Variants in PEX10 observed in about 807,000 individuals in gnomAD.
PEX10 encodes the protein peroxisome biogenesis factor 10.
Under a neutral mutation model 38.0 loss-of-function variants are expected in PEX10, and 32 were observed. The observed-to-expected ratio is 0.84, with a 90% CI of 0.63 to 1.13. The LOEUF is 1.13. Among genes scored for constraint, PEX10 ranks in the 50% most tolerant of loss-of-function variants. The pLI is 0.00. For synonymous variants in PEX10, 206 were observed against 207.3 expected, an observed-to-expected ratio of 0.99 and a Z score of 0.05; for missense variants, 483 against 457.7, an observed-to-expected ratio of 1.06 and a Z score of -0.51.
rs923201119 is a variant in PEX10 at position 2,412,293 on chromosome 1, C to T, written c.112+98G>A. ...CGGGTCCCAGGTTGTGGGACGGGCCCAGGCGACCGTGACCACACACGGCAG... is the reference window on the plus strand; with the variant it reads ...CGGGTCCCAGGTTGTGGGACGGGCCTAGGCGACCGTGACCACACACGGCAG... On this transcript the variant is annotated intron_variant, in intron 1 of 5. Coordinates refer to ENST00000447513, the MANE Select transcript of PEX10 (RefSeq NM_002617.4). 5 of 1,256,170 alleles carry T rather than the reference C, an allele frequency of 4.0e-6. 1 individual carries two copies. The South Asian group carries it at 8.0e-5, about 20-fold the overall frequency. The allele number at this position is 1,256,170 out of a possible 1,614,324, so 77.8% of individuals were successfully genotyped here.
Position 2,405,302 on chromosome 1 carries a change from T to G in PEX10, c.*464A>C. Reference sequence around the variant, plus strand: ...GGGGCCGTGGGGCTGCTGTTCTCACTGCACTGGCTGAAGCAACCCGCCAGC... The same window carrying G: ...GGGGCCGTGGGGCTGCTGTTCTCACGGCACTGGCTGAAGCAACCCGCCAGC... On this transcript the variant is annotated 3_prime_UTR_variant, in exon 6 of 6. Coordinates refer to ENST00000447513, the MANE Select transcript of PEX10 (RefSeq NM_002617.4). The G allele has an allele frequency of 3.1e-6, 1 of 318,914 alleles. No individual in the cohort carries two copies. Among genetic ancestry groups the G allele is most frequent in the East Asian group, 8.8e-5 (1 of 11,340 alleles). The allele number at this position is 318,914 out of a possible 1,614,324, so 19.8% of individuals were successfully genotyped here. A position where few individuals can be genotyped will look rare whatever the true frequency, so the allele number is the denominator to read the frequency against.
Position 2,408,502 on chromosome 1 carries a change from T to A in PEX10, c.550A>T (p.Ile184Phe). 6.2e-7 allele frequency: 1 copy of A among 1,612,984 alleles called. No individual in the cohort carries two copies. Among genetic ancestry groups the A allele is most frequent in the Middle Eastern group, 1.7e-4 (1 of 6,060 alleles). The stretch of plus-strand genomic sequence containing the variant: ...GCCAGGTGGTAGAAGACACCGTGGA[T>A]GTAAAACCAGGCAACATGTAGCCGC... ...LQRLHVAWFY[I>F]HGVFYHLAKR... The change falls in exon 3 of 6, where the codon ATC becomes TTC. Residue 184 changes from isoleucine to phenylalanine, a missense_variant. By Grantham distance (21) the Ile-to-Phe change is conservative. Coordinates refer to ENST00000447513, the MANE Select transcript of PEX10 (RefSeq NM_002617.4).
Position 2,409,435 on chromosome 1 carries a change from T to C in PEX10, c.194-577A>G, listed in dbSNP as rs1643114606. ...TGGATGGCAACGCCAGGCCTCCGGT[T>C]CCTGAGGTCAAGCCCAAGGGGCACC... On this transcript the variant is annotated intron_variant, in intron 2 of 5. Coordinates refer to ENST00000447513, the MANE Select transcript of PEX10 (RefSeq NM_002617.4). The surrounding 1 kb of genome is among the most constrained non-coding windows in gnomAD (Gnocchi z 6.2). 6.6e-6 allele frequency among the ~76,000 whole-genome samples: 1 copy of C among 151,984 alleles called. No individual in the cohort carries two copies. Among genetic ancestry groups the C allele is most frequent in the Admixed American group, 6.5e-5 (1 of 15,270 alleles).
Position 2,410,661 on chromosome 1 carries a change from ATC to A in PEX10, c.113-212_113-211del. 1.6e-6 allele frequency: 1 copy of A among 624,758 alleles called. No individual in the cohort carries two copies. The highest frequency in any genetic ancestry group is 3.2e-5 in the East Asian group (1 of 31,034). The allele number at this position is 624,758 out of a possible 1,614,324, so 38.7% of individuals were successfully genotyped here. On this transcript the variant is annotated intron_variant, in intron 1 of 5. Coordinates refer to ENST00000447513, the MANE Select transcript of PEX10 (RefSeq NM_002617.4). This position sits in a 1 kb window ranked among gnomAD's most constrained non-coding sequence, Gnocchi z 5.1. ...GTGAGCTGCAGACAGTCTGCGAAGA[ATC>A]TCCCACCTGTGCTCATCTCTTGCTC... is the stretch of plus-strand genomic sequence containing the variant.
Position 2,406,777 on chromosome 1 carries a change from C to T in PEX10, c.719G>A (p.Arg240Lys), listed in dbSNP as rs1419912761. Residue 240 changes from arginine to lysine, a missense_variant, in exon 4 of 6, where the codon AGG (arginine) becomes AAG (lysine). By Grantham distance (26) the Arg-to-Lys change is conservative. Coordinates refer to ENST00000447513, the MANE Select transcript of PEX10 (RefSeq NM_002617.4). The part of the protein sequence containing the change: ...LSMGLQLYGF[R>K]QRQRARKEWR... ...CTCCTTCCTGGCTCGCTGCCGCTGCCTGAAACCGTACAGCTGCAGCCCCAT... is the reference window on the plus strand; with the variant it reads ...CTCCTTCCTGGCTCGCTGCCGCTGCTTGAAACCGTACAGCTGCAGCCCCAT... The T allele has an allele frequency of 1.9e-6, 3 of 1,610,470 alleles. No homozygotes were observed. The African/African-American group carries it at 4.0e-5, about 21-fold the overall frequency.
rs1482910211 is a variant in PEX10 at position 2,412,413 on chromosome 1, G to T, written c.90C>A (p.Gly30=). 2.1e-6 allele frequency: 3 copies of T among 1,406,638 alleles called. No individual in the cohort carries two copies. Among genetic ancestry groups the T allele is most frequent in the South Asian group, 1.5e-5 (1 of 67,080 alleles). The allele number at this position is 1,406,638 out of a possible 1,614,324, so 87.1% of individuals were successfully genotyped here. A position where few individuals can be genotyped will look rare whatever the true frequency, so the allele number is the denominator to read the frequency against. The change falls in exon 1 of 6, where the codon GGC becomes GGA. Residue 30 remains glycine, a synonymous_variant. Transcript: ENST00000447513. ...YYRGGLRSAA[G]GALHSLAGAR... ...CACCCGCCAGGCTGTGCAGGGCGCC[G>T]CCCGCCGCGCTCCGCAGCCCACCGC...
upstream of PEX10, among the ~76,000 whole-genome samples, chr1:2,413,025 G>T (rs564814652): frequency 1.3e-5 from 2 of 152,234 alleles, no homozygotes; most frequent in East Asian, 3.8e-4. Context: ...CGGCGGTCCC[G>T]CCCTCGCGCC....
Position 2,408,672 on chromosome 1 carries a change from A to G in PEX10, c.380T>C (p.Leu127Ser), listed in dbSNP as rs775041092. 1.9e-6 allele frequency: 3 copies of G among 1,612,140 alleles called. No individual in the cohort carries two copies. The African/African-American group carries it at 4.0e-5, about 22-fold the overall frequency. ...CCCACCTGGCCCCAGGCTCCCCTGC[A>G]AGGGTCGCCCACTGTCGGGGTCAGC... ...LQADPDSGRPLQGSLGPGGRG... is the reference protein window; with the variant it reads ...LQADPDSGRPSQGSLGPGGRG... The change falls in exon 3 of 6, where the codon TTG becomes TCG. Residue 127 changes from leucine to serine, a missense_variant. By Grantham distance (145) the Leu-to-Ser change is moderately radical (BLOSUM62 -2). Coordinates refer to ENST00000447513, the MANE Select transcript of PEX10 (RefSeq NM_002617.4).
intron 3 of PEX10, among the ~76,000 whole-genome samples, chr1:2,407,731 G>C (rs929823994): frequency 1.3e-5 from 2 of 152,210 alleles, no homozygotes; most frequent in African/African-American, 4.8e-5. Flanking sequence ...GTGGAGGCGG[G>C]GTTGCCTGGC....
At chr1:2,412,256 G>T (rs1027068682) in intron 1 of PEX10, 135 bp downstream of exon 1, 1 of 1,226,350 alleles carries the variant, frequency 8.2e-7, no homozygotes, top group Admixed American at 4.4e-5. Context: ...CAGGGCAGGC[G>T]AAGGAGACTG....
Position 2,406,869 on chromosome 1 carries a change from C to T in PEX10, c.627G>A (p.Glu209=), listed in dbSNP as rs141430704. The T allele has an allele frequency of 5.9e-4, 949 of 1,609,430 alleles. 6 individuals are homozygous for T. The highest frequency in any genetic ancestry group is 3.6e-3 in the Middle Eastern group (22 of 6,058). ...TYLRVRSLPG[E]DLRARVSYRL... is the part of the protein sequence containing the mutation. ...TGTAGCTAACACGGGCCCTCAGGTC[C>T]TCTCCGGGCAGGCTGCGGACACGGA... is the stretch of plus-strand genomic sequence containing the variant. Residue 209 remains glutamate, a synonymous_variant, in exon 4 of 6, where the codon GAG becomes GAA. Coordinates refer to ENST00000447513, the MANE Select transcript of PEX10 (RefSeq NM_002617.4).
chr1:2,407,579 C>T (rs888188591), intron 3 of PEX10, among the ~76,000 whole-genome samples: 12 of 152,240 alleles, frequency 7.9e-5, no homozygotes, highest in Non-Finnish European at 1.5e-4. Context: ...GCCCCTGTCA[C>T]AGCAGCTCAT....
Position 2,409,967 on chromosome 1 carries a change from T to C in PEX10, c.193+404A>G. On this transcript the variant is annotated intron_variant, in intron 2 of 5. Transcript: ENST00000447513. This position sits in a 1 kb window ranked among gnomAD's most constrained non-coding sequence, Gnocchi z 6.2. ...AGCTGGGGTTGGGAGCCTGAGAGCT[T>C]CTGTCAACAACTCCCTCTAAAGGGT... 1 of 264,446 alleles carries C rather than the reference T, an allele frequency of 3.8e-6. No individual in the cohort carries two copies. The highest frequency in any genetic ancestry group is 7.6e-6 in the Non-Finnish European group (1 of 131,906). The allele number at this position is 264,446 out of a possible 1,614,324, so 16.4% of individuals were successfully genotyped here. A position where few individuals can be genotyped will look rare whatever the true frequency, so the allele number is the denominator to read the frequency against.
intron 3 of PEX10, among the ~76,000 whole-genome samples, chr1:2,407,912 G>A (rs959059245): frequency 6.6e-6 from 1 of 152,104 alleles, no homozygotes; most frequent in Non-Finnish European, 1.5e-5. Flanking sequence ...TGCTGAATCT[G>A]GAAGCAGGGG....
upstream of PEX10, among the ~76,000 whole-genome samples, chr1:2,412,812 G>A (rs1337811938): frequency 2.0e-5 from 3 of 152,112 alleles, no homozygotes; most frequent in Non-Finnish European, 2.9e-5. Flanking sequence ...GCGAGGCAGC[G>A]GGATGGGCTC....
rs1284345702 is a variant in PEX10 at position 2,410,381 on chromosome 1, G to T, written c.183C>A (p.Thr61=). 1 of 1,613,942 alleles carries T rather than the reference G, an allele frequency of 6.2e-7. No homozygotes were observed. The highest frequency in any genetic ancestry group is 1.3e-5 in the African/African-American group (1 of 75,038). ...CGTGGGAGCTTCTACCTGCAAGTGT[G>T]GTGAGGCCAAAGTAGGCCACATCTG... is the stretch of plus-strand genomic sequence containing the variant. ...LLSDVAYFGL[T]TLAGYQTLGE... is the part of the protein sequence containing the mutation. The change falls in exon 2 of 6, where the codon ACC becomes ACA. Residue 61 remains threonine, a synonymous_variant. Transcript: ENST00000447513. The surrounding 1 kb of genome is among the most constrained non-coding windows in gnomAD (Gnocchi z 5.1).
chr1:2,407,082 G>A (rs952996749), intron 3 of PEX10, 187 bp from the exon 4 acceptor site: 26 of 772,688 alleles, frequency 3.4e-5, no homozygotes, highest in African/African-American at 2.7e-4. Flanking sequence ...TGCCTGCTTC[G>A]TAGCCTAGCA....
Position 2,410,396 on chromosome 1 carries a change from G to C in PEX10, c.168C>G (p.Ala56=). 6.2e-7 allele frequency: 1 copy of C among 1,614,102 alleles called. No homozygotes were observed. The highest frequency in any genetic ancestry group is 8.5e-7 in the Non-Finnish European group (1 of 1,179,976). Residue 56 remains alanine, a synonymous_variant, in exon 2 of 6, where the codon GCC becomes GCG. Coordinates refer to ENST00000447513, the MANE Select transcript of PEX10 (RefSeq NM_002617.4). This position sits in a 1 kb window ranked among gnomAD's most constrained non-coding sequence, Gnocchi z 5.1. ...CTGCAAGTGTGGTGAGGCCAAAGTA[G>C]GCCACATCTGAGAGCAGCTCAACCT... is the stretch of plus-strand genomic sequence containing the variant. ...RKEVELLSDV[A]YFGLTTLAGY... is the part of the protein sequence containing the mutation.
rs1291462789 is a variant in PEX10, at chr1:2,410,850, A to G, written c.113-399T>C. ...TTCTGGAATCTCAATTTGCTCATCT[A>G]TCAGAAGAGTAATAAGTCCTACTTG... On this transcript the variant is annotated intron_variant, in intron 1 of 5. Transcript: ENST00000447513. The surrounding 1 kb of genome is among the most constrained non-coding windows in gnomAD (Gnocchi z 5.1). 2 of 460,024 alleles carry G rather than the reference A, an allele frequency of 4.3e-6. No individual in the cohort carries two copies. The highest frequency in any genetic ancestry group is 8.7e-6 in the Non-Finnish European group (2 of 229,608). The allele number at this position is 460,024 out of a possible 1,614,324, so 28.5% of individuals were successfully genotyped here.
Sources: gnomAD v4.1 joint callset for allele counts (sites outside exome capture counted in the v4.1 genomes callset) on GRCh38, gnomAD v4.1.1 for gene constraint, Gnocchi (gnomAD v3.1) non-coding constraint, MANE v1.5 for transcripts, NCBI Gene and HGNC (gene_info 2026-07-23, HGNC 2026-07-21) for gene names.